The following CUX1 variants were observed in gnomAD, a reference collection of about 807,000 sequenced individuals.
The protein encoded by CUX1 is cut like homeobox 1, also known as protein CASP.
In CUX1, 31 loss-of-function variants were observed where a neutral mutation model predicts 158.8. The observed-to-expected ratio is 0.20, with a 90% CI of 0.15 to 0.26. The LOEUF (loss-of-function observed/expected upper bound fraction) is 0.26. Ranked by LOEUF, CUX1 falls within the 10% of genes least tolerant of loss-of-function variation. CUX1 has a pLI of 1.00. For missense variants in CUX1, 1,589 were observed against 2,014.6 expected, an observed-to-expected ratio of 0.79 and a Z score of 4.04; for synonymous variants, 879 against 862.1, an observed-to-expected ratio of 1.02 and a Z score of -0.34.
In CUX1 at chr7:102,251,642, G is replaced by A. The variant is rs1801518049; in HGVS notation, c.*2600G>A. Reference sequence around the variant, plus strand: ...ACATCTAGCTCGATTCAGGTGCATTGAGAAGAGTGAGTTCACATCGGTGAC... The same window carrying A: ...ACATCTAGCTCGATTCAGGTGCATTAAGAAGAGTGAGTTCACATCGGTGAC... On this transcript the variant is annotated 3_prime_UTR_variant, in exon 24 of 24. Transcript: ENST00000292535. The A allele has an allele frequency of 1.0e-6, 1 of 985,308 alleles. No individual in the cohort carries two copies. Among genetic ancestry groups the A allele is most frequent in the African/African-American group, 1.7e-5 (1 of 57,228 alleles). 61.0% of individuals were successfully genotyped at this position (985,308 alleles called of 1,614,324 possible).
intron 20 of CUX1, among the ~76,000 whole-genome samples, chr7:102,225,012 G>A (rs1554528174): frequency 2.0e-5 from 3 of 152,170 alleles, no homozygotes; most frequent in Admixed American, 6.5e-5. Flanking sequence ...CTTACGGTAC[G>A]GTTCCTCTGC....
rs1040773071 is a variant in CUX1, at chr7:102,257,537, A to T, written c.*8495A>T. 3 of 985,294 alleles carry T rather than the reference A, an allele frequency of 3.0e-6. No individual in the cohort carries two copies. In the African/African-American group the frequency reaches 5.2e-5, roughly 17 times the overall value. 61.0% of individuals were successfully genotyped at this position (985,294 alleles called of 1,614,324 possible). On this transcript the variant is annotated 3_prime_UTR_variant, in exon 24 of 24. Coordinates refer to ENST00000292535, the MANE Select transcript of CUX1 (RefSeq NM_181552.4). ...GGGTAAAAAGAAGGTGGTTTTCCCC[A>T]CATCCCTTTGCATTGAATAAGAGAC...
intron 14 of CUX1, among the ~76,000 whole-genome samples, chr7:102,265,367 AAAG>A (rs1168209839): frequency 2.0e-5 from 3 of 151,338 alleles, no homozygotes; most frequent in African/African-American, 7.3e-5. Context: ...AAAAAAAAAA[AAAG>A]AGAAAGAAAG....
chr7:101,888,213 T>C lies in CUX1; in HGVS notation c.31-27902T>C, dbSNP rs568182528. ...GGGTGTGGTGGCACATTCCTGTAATTCCAGCTACTCGGGAGGCTGAGGCAG... is the reference window on the plus strand; with the variant it reads ...GGGTGTGGTGGCACATTCCTGTAATCCCAGCTACTCGGGAGGCTGAGGCAG... On this transcript the variant is annotated intron_variant, in intron 1 of 23. Transcript: ENST00000292535. Among the ~76,000 whole-genome samples, 1,202 of 152,058 alleles carry C rather than the reference T, an allele frequency of 7.9e-3. 20 individuals carry two copies. Among genetic ancestry groups the C allele is most frequent in the African/African-American group, 0.028 (1,152 of 41,500 alleles).
intron 2 of CUX1, among the ~76,000 whole-genome samples, chr7:101,991,398 G>A (rs1340876842): frequency 2.0e-5 from 3 of 152,160 alleles, no homozygotes; most frequent in Non-Finnish European, 2.9e-5. Context: ...ACCAACTTCC[G>A]CTAGAATTCA....
chr7:101,840,976 C>T (rs2131152675), intron 1 of CUX1, among the ~76,000 whole-genome samples: 1 of 152,152 alleles, frequency 6.6e-6, no homozygotes, highest in Non-Finnish European at 1.5e-5. Context: ...TCACTGCAAC[C>T]TCTGCCTCCC....
intron 10 of CUX1, among the ~76,000 whole-genome samples, chr7:102,171,259 G>A (rs1261905263): frequency 2.0e-5 from 3 of 152,054 alleles, no homozygotes; most frequent in African/African-American, 7.2e-5. Context: ...CTGGTGATGG[G>A]GACAAAGGAG....
chr7:101,906,572 G>A (rs1254065063), intron 1 of CUX1, among the ~76,000 whole-genome samples: 33 of 151,842 alleles, frequency 2.2e-4, no homozygotes, highest in Admixed American at 1.8e-3. Context: ...AGCAGGGAAC[G>A]CCAAGCTCAC....
chr7:101,865,787 A>C (rs1797878315), intron 1 of CUX1, among the ~76,000 whole-genome samples: 1 of 152,182 alleles, frequency 6.6e-6, no homozygotes, highest in Non-Finnish European at 1.5e-5. Context: ...TGTTGAGTGA[A>C]AGCAGGCACA....
intron 1 of CUX1, among the ~76,000 whole-genome samples, chr7:101,901,459 A>AT (rs1057431139): frequency 1.3e-5 from 2 of 151,656 alleles, no homozygotes; most frequent in South Asian, 2.1e-4. Context: ...ACGCCCGGCT[A>AT]TTTTTTTGTA....
chr7:101,918,018 A>G (rs758856366), intron 2 of CUX1, among the ~76,000 whole-genome samples: 1 of 152,246 alleles, frequency 6.6e-6, no homozygotes, highest in Non-Finnish European at 1.5e-5. Context: ...TTAAAAACAA[A>G]CAAAGAAACA....
intron 9 of CUX1, among the ~76,000 whole-genome samples, chr7:102,167,508 G>A (rs1340388014): frequency 6.6e-6 from 1 of 152,196 alleles, no homozygotes; most frequent in Non-Finnish European, 1.5e-5. Flanking sequence ...TTACAAGTCA[G>A]GGTGGTGAGG....
At chr7:102,127,462 C>T (rs1345788264) in intron 8 of CUX1, among the ~76,000 whole-genome samples, 1 of 152,192 alleles carries the variant, frequency 6.6e-6, no homozygotes, top group Non-Finnish European at 1.5e-5. Context: ...ACCTTGGCCT[C>T]CCAAAGTGCT....
chr7:102,186,597 T>TATATATA (rs1554515382), intron 11 of CUX1, among the ~76,000 whole-genome samples: 48 of 144,120 alleles, frequency 3.3e-4, no homozygotes, highest in African/African-American at 5.6e-4. Flanking sequence ...ATATATATAT[T>TATATATA]TTTTTTTATT....
chr7:102,128,191 G>T (rs1346068078), intron 8 of CUX1, among the ~76,000 whole-genome samples: 7 of 152,216 alleles, frequency 4.6e-5, no homozygotes, highest in African/African-American at 1.4e-4. Context: ...AAGAGCGTTT[G>T]GAAGCCCAGA....
chr7:101,905,118 G>A (rs573797558), intron 1 of CUX1, among the ~76,000 whole-genome samples: 3 of 152,118 alleles, frequency 2.0e-5, no homozygotes, highest in African/African-American at 7.2e-5. Flanking sequence ...GTCTCTGGGT[G>A]GGGGGCTCAG....
chr7:102,203,220 C>G (rs905075661), intron 18 of CUX1, among the ~76,000 whole-genome samples: 1 of 152,162 alleles, frequency 6.6e-6, no homozygotes, highest in Non-Finnish European at 1.5e-5. Context: ...CTTGGCCTCC[C>G]AACCCCCTAC....
At chr7:101,856,964 C>T (rs1796914355) in intron 1 of CUX1, among the ~76,000 whole-genome samples, 1 of 152,212 alleles carries the variant, frequency 6.6e-6, no homozygotes, top group African/African-American at 2.4e-5. Flanking sequence ...CAAGCTGTGC[C>T]TCCTCCTGGG....
intron 1 of CUX1, among the ~76,000 whole-genome samples, chr7:101,908,851 A>G (rs1803068471): frequency 6.6e-6 from 1 of 152,194 alleles, no homozygotes; most frequent in Non-Finnish European, 1.5e-5. Context: ...CTTGAAATGC[A>G]TCATCTTGAT....
Sources: gnomAD v4.1 joint callset for allele counts (sites outside exome capture counted in the v4.1 genomes callset) on GRCh38, gnomAD v4.1.1 for gene constraint, MANE v1.5 for transcripts, NCBI Gene and HGNC (gene_info 2026-07-23, HGNC 2026-07-21) for gene names.